Variants in NOCT observed in about 807,000 individuals in gnomAD.
NOCT encodes the protein nocturnin, also known as CCR4 carbon catabolite repression 4-like.
NOCT carries 18 observed loss-of-function variants against 35.0 expected under a neutral mutation model. The observed-to-expected ratio is 0.51, with a 90% CI of 0.36 to 0.76. The LOEUF is 0.76. Among genes scored for constraint, NOCT ranks in the 30% least tolerant of loss-of-function variants. The pLI is 0.01. For missense variants in NOCT, 479 were observed against 541.0 expected (o/e 0.89, Z 1.14); for synonymous variants, 235 against 226.3 (o/e 1.04, Z -0.34).
intron 1 of NOCT, among the ~76,000 whole-genome samples, chr4:139,022,553 C>G (rs754176797): frequency 6.6e-6 from 1 of 152,140 alleles, no homozygotes; most frequent in African/African-American, 2.4e-5. Flanking sequence ...TCCGGGTAGA[C>G]AACAGCCACA....
At chr4:139,040,042 CT>C (rs35176403) in intron 1 of NOCT, among the ~76,000 whole-genome samples, 82,545 of 119,450 alleles carry the variant, frequency 0.69, 27,665 homozygotes, top group East Asian at 0.84. Flanking sequence ...GTATCATTTT[CT>C]TTTTTTTTTT....
At chr4:139,022,614 T>G (rs951005517) in intron 1 of NOCT, among the ~76,000 whole-genome samples, 1 of 152,200 alleles carries the variant, frequency 6.6e-6, no homozygotes, top group African/African-American at 2.4e-5. Flanking sequence ...TACTAAATGC[T>G]TAGAAGCCTA....
chr4:139,017,778 A>G (rs1041912452), intron 1 of NOCT, among the ~76,000 whole-genome samples: 19 of 150,530 alleles, frequency 1.3e-4, no homozygotes, highest in African/African-American at 4.7e-4. Context: ...CCTGGGTGAC[A>G]AGAGTAAAAC....
chr4:139,031,023 C>T (rs769749786), intron 1 of NOCT, among the ~76,000 whole-genome samples: 4 of 152,116 alleles, frequency 2.6e-5, no homozygotes, highest in African/African-American at 4.8e-5. Context: ...AGATACTAAA[C>T]GCAAACTGTG....
intron 1 of NOCT, among the ~76,000 whole-genome samples, chr4:139,018,504 T>C (rs1002301451): frequency 2.6e-5 from 4 of 152,248 alleles, no homozygotes; most frequent in Admixed American, 1.3e-4. Context: ...TTTATGGTAC[T>C]TAAACTTTTG....
At chr4:139,042,140 T>A (rs1015795913) in intron 1 of NOCT, among the ~76,000 whole-genome samples, 1 of 142,478 alleles carries the variant, frequency 7.0e-6, no homozygotes, top group Admixed American at 7.6e-5. Flanking sequence ...TCACCTCAGC[T>A]CACTGCAACC....
intron 1 of NOCT, among the ~76,000 whole-genome samples, chr4:139,024,091 C>T (rs914819204): frequency 6.8e-5 from 10 of 148,000 alleles, no homozygotes; most frequent in Non-Finnish European, 1.2e-4. Flanking sequence ...ACAGAGTCTC[C>T]ACTTTGTCAC....
chr4:139,028,802 C>T (rs756970478), intron 1 of NOCT, among the ~76,000 whole-genome samples: 1 of 152,174 alleles, frequency 6.6e-6, no homozygotes, highest in South Asian at 2.1e-4. Flanking sequence ...AGCAGTCTGG[C>T]ACATTATCTC....
intron 1 of NOCT, among the ~76,000 whole-genome samples, chr4:139,041,848 A>C (rs1194676326): frequency 6.6e-6 from 1 of 152,140 alleles, no homozygotes; most frequent in Non-Finnish European, 1.5e-5. Flanking sequence ...TATACCACTC[A>C]GTGAAGTTCA....
intron 1 of NOCT, among the ~76,000 whole-genome samples, chr4:139,038,913 C>A (rs188412248): frequency 6.6e-6 from 1 of 152,092 alleles, no homozygotes; most frequent in East Asian, 1.9e-4. Flanking sequence ...TTCTCTAGTT[C>A]TAGATATGGC....
intron 1 of NOCT, among the ~76,000 whole-genome samples, chr4:139,037,098 A>G (rs1381490268): frequency 6.6e-6 from 1 of 152,188 alleles, no homozygotes; most frequent in Non-Finnish European, 1.5e-5. Flanking sequence ...TTGTGGTTAA[A>G]TACTCTGGCA....
chr4:139,045,404 AT>A lies in NOCT; in HGVS notation c.1228del (p.Tyr410IlefsTer8). On this transcript the variant is annotated frameshift_variant, in exon 3 of 3. Transcript: ENST00000280614. LOFTEE classifies it high-confidence loss of function. ...QIGPNRLPSF[N>X]YPSDHLSLVC... ...GGACCCAACAGGTTACCTTCCTTCAATTATCCTTCAGACCACCTGTCTCTAG... is the reference window on the plus strand; with the variant it reads ...GGACCCAACAGGTTACCTTCCTTCAATATCCTTCAGACCACCTGTCTCTAG... 1 of 1,613,748 alleles carries A rather than the reference AT, an allele frequency of 6.2e-7. No homozygotes were observed. Among genetic ancestry groups the A allele is most frequent in the Non-Finnish European group, 8.5e-7 (1 of 1,179,930 alleles).
Position 139,044,764 on chromosome 4 carries a change from G to A in NOCT, c.586G>A (p.Val196Met), listed in dbSNP as rs1365522866. 1 of 1,614,178 alleles carries A rather than the reference G, an allele frequency of 6.2e-7. No homozygotes were observed. The highest frequency in any genetic ancestry group is 2.2e-5 in the East Asian group (1 of 44,892). The stretch of plus-strand genomic sequence containing the variant: ...GCCTGATATATTGTGCCTCCAAGAG[G>A]TGGACCACTATTTTGACACCTTCCA... ...YQPDILCLQE[V>M]DHYFDTFQPL... is the part of the protein sequence containing the mutation. The change falls in exon 3 of 3, where the codon GTG becomes ATG. Residue 196 changes from valine (V) to methionine (M), a missense_variant. By Grantham distance (21) the Val-to-Met change is conservative. Around this residue, in one of 2 missense-constraint regions of NOCT, gnomAD observed 214 missense variants for 284.0 expected, o/e 0.75. Transcript: ENST00000280614.
intron 1 of NOCT, among the ~76,000 whole-genome samples, chr4:139,019,855 C>T (rs1726377379): frequency 6.6e-6 from 1 of 152,216 alleles, no homozygotes; most frequent in Non-Finnish European, 1.5e-5. Context: ...ATGCTATCCT[C>T]CACATCCCTC....
chr4:139,017,633 C>T (rs981065735), intron 1 of NOCT, among the ~76,000 whole-genome samples: 6 of 151,370 alleles, frequency 4.0e-5, no homozygotes, highest in Admixed American at 6.6e-5. Flanking sequence ...AGTTCGTGAC[C>T]ATCCTGGCCA....
At chr4:139,026,631 A>G (rs1048883340) in intron 1 of NOCT, among the ~76,000 whole-genome samples, 1 of 151,518 alleles carries the variant, frequency 6.6e-6, no homozygotes, top group East Asian at 1.9e-4. Context: ...GCTCACTGCA[A>G]ACTCCACCTG....
intron 1 of NOCT, among the ~76,000 whole-genome samples, chr4:139,041,299 T>C (rs989118865): frequency 6.6e-6 from 1 of 152,212 alleles, no homozygotes; most frequent in Admixed American, 6.5e-5. Context: ...GACTGCTAGT[T>C]TGAGATGTGA....
intron 1 of NOCT, among the ~76,000 whole-genome samples, chr4:139,016,778 C>T (rs1001781528): frequency 1.0e-4 from 15 of 148,972 alleles, no homozygotes; most frequent in African/African-American, 3.7e-4. Flanking sequence ...CTCAGCCTCC[C>T]GAGTAGCTGG....
chr4:139,018,108 G>A (rs904348072), intron 1 of NOCT, among the ~76,000 whole-genome samples: 1 of 124,042 alleles, frequency 8.1e-6, no homozygotes, highest in African/African-American at 3.2e-5. Flanking sequence ...CCCCAATTTC[G>A]TAGGAATGTG....
Sources: gnomAD v4.1 joint callset for allele counts (sites outside exome capture counted in the v4.1 genomes callset) on GRCh38, gnomAD v4.1.1 for gene constraint, gnomAD v4.1.1 regional missense constraint, MANE v1.5 for transcripts, NCBI Gene and HGNC (gene_info 2026-07-23, HGNC 2026-07-21) for gene names.